The following HGSNAT variants were observed in gnomAD, a reference collection of about 807,000 sequenced individuals.
The protein encoded by HGSNAT is transmembrane protein 76.
A neutral mutation model predicts 85.2 loss-of-function variants in HGSNAT; 59 were observed. The observed-to-expected ratio is 0.69, with a 90% CI of 0.56 to 0.86. The LOEUF (loss-of-function observed/expected upper bound fraction) is 0.86. Among genes scored for constraint, HGSNAT ranks in the 40% least tolerant of loss-of-function variants. HGSNAT has a pLI of 0.00. For missense variants in HGSNAT, 756 were observed against 777.1 expected (o/e 0.97, Z 0.32); for synonymous variants, 321 against 304.5 (o/e 1.05, Z -0.56).
chr8:43,178,226 T>C lies in HGSNAT; in HGVS notation c.1004T>C (p.Leu335Pro). Reference sequence around the variant, plus strand: ...ATCATTGTGAATCCCAATTATTGCCTTGGTCCATGTAAGTACTTTTTCCCT... The same window carrying C: ...ATCATTGTGAATCCCAATTATTGCCCTGGTCCATGTAAGTACTTTTTCCCT... ...GIIIVNPNYC[L>P]GPLSWDKVRI... Residue 335 changes from leucine to proline, a missense_variant, in exon 10 of 18, where the codon CTT becomes CCT. Physicochemically the swap from Leu to Pro is moderately conservative, Grantham distance 98 (BLOSUM62 -3). Coordinates refer to ENST00000379644, the MANE Select transcript of HGSNAT (RefSeq NM_152419.3). 6.5e-7 allele frequency: 1 copy of C among 1,540,018 alleles called. No individual in the cohort carries two copies. Among genetic ancestry groups the C allele is most frequent in the Non-Finnish European group, 8.7e-7 (1 of 1,147,216 alleles).
chr8:43,144,503 C>T (rs548087785), intron 1 of HGSNAT, among the ~76,000 whole-genome samples: 12 of 152,134 alleles, frequency 7.9e-5, no homozygotes, highest in African/African-American at 2.7e-4. Flanking sequence ...TCATGAGGCA[C>T]ATACTCTTAT....
chr8:43,169,104 A>T (rs1024182962), intron 5 of HGSNAT, 69 bp from the exon 6 acceptor site: 4 of 806,920 alleles, frequency 5.0e-6, no homozygotes, highest in Non-Finnish European at 5.7e-6. Flanking sequence ...TTATTTCCAT[A>T]TAATATCCAA....
rs1013159296 is a variant in HGSNAT, at chr8:43,191,474, G to A, written c.1129G>A (p.Glu377Lys). 6.2e-7 allele frequency: 1 copy of A among 1,613,044 alleles called. No individual in the cohort carries two copies. The highest frequency in any genetic ancestry group is 1.3e-5 in the African/African-American group (1 of 74,916). ...GTTTTATTTTTCTGCCCCCACTCAG[G>A]AGAGGAGCTGCCTTTCTCTTCGAGA... ...AKPVPEHCAS[E>K]RSCLSLRDIT... is the part of the protein sequence containing the mutation. The change falls in exon 12 of 18, where the codon GAG becomes AAG. Residue 377 changes from glutamate to lysine, a missense_variant and splice_region_variant. Transcript: ENST00000379644.
At chr8:43,186,109 T>C (rs1253480149) in intron 11 of HGSNAT, among the ~76,000 whole-genome samples, 1 of 152,176 alleles carries the variant, frequency 6.6e-6, no homozygotes, top group Non-Finnish European at 1.5e-5. Context: ...CTTTTTTTGT[T>C]GTGTCTCTGC....
chr8:43,189,665 T>G (rs1804458182), intron 11 of HGSNAT, among the ~76,000 whole-genome samples: 1 of 152,220 alleles, frequency 6.6e-6, no homozygotes, highest in Admixed American at 6.5e-5. Flanking sequence ...CAGTTGGAAA[T>G]GCAGAAATCA....
Position 43,202,074 on chromosome 8 carries a change from TGG to T in HGSNAT, c.*2507_*2508del, listed in dbSNP as rs1243800616. 1 of 152,890 alleles carries T rather than the reference TGG, an allele frequency of 6.5e-6. No homozygotes were observed. The highest frequency in any genetic ancestry group is 2.4e-5 in the African/African-American group (1 of 41,432). The allele number at this position is 152,890 out of a possible 1,614,324, so 9.5% of individuals were successfully genotyped here. ...TCTCAAACTGTGGGTTACATCAACT[TGG>T]GTGTCTTGAGCTGTAAGGAAGGAAC... is the stretch of plus-strand genomic sequence containing the variant. On this transcript the variant is annotated 3_prime_UTR_variant, in exon 18 of 18. Transcript: ENST00000379644.
At chr8:43,182,714 G>A (rs1804173327) in intron 11 of HGSNAT, among the ~76,000 whole-genome samples, 1 of 152,028 alleles carries the variant, frequency 6.6e-6, no homozygotes, top group Non-Finnish European at 1.5e-5. Context: ...ACAAATTGCT[G>A]GGATTACAGG....
At chr8:43,197,197 A>G (rs1804753610) in intron 15 of HGSNAT, 172 bp downstream of exon 15, 1 of 608,490 alleles carries the variant, frequency 1.6e-6, no homozygotes, top group Non-Finnish European at 2.9e-6. Context: ...AAATGCACAG[A>G]TTTATTTTCT....
At chr8:43,196,550 C>A in intron 14 of HGSNAT, 1 of 1,279,028 alleles carries the variant, frequency 7.8e-7, no homozygotes, top group Non-Finnish European at 1.0e-6. Flanking sequence ...GGTGCCCCTT[C>A]TCCTCCTTTC....
intron 4 of HGSNAT, among the ~76,000 whole-genome samples, chr8:43,161,072 A>C (rs1177455853): frequency 6.6e-6 from 1 of 152,174 alleles, no homozygotes; most frequent in Non-Finnish European, 1.5e-5. Flanking sequence ...CACATCCTGA[A>C]GTATGTAGGG....
chr8:43,145,389 T>G (rs1302533706), intron 1 of HGSNAT, among the ~76,000 whole-genome samples: 2 of 152,108 alleles, frequency 1.3e-5, no homozygotes, highest in African/African-American at 4.8e-5. Context: ...TCTAGTGGAT[T>G]AAGAGTTTTA....
chr8:43,144,101 C>G (rs1802639184), intron 1 of HGSNAT, among the ~76,000 whole-genome samples: 1 of 152,050 alleles, frequency 6.6e-6, no homozygotes, highest in Non-Finnish European at 1.5e-5. Flanking sequence ...GGGCAGATCA[C>G]TTGACCCCAG....
chr8:43,187,972 C>T (rs1413168395), intron 11 of HGSNAT, among the ~76,000 whole-genome samples: 3 of 152,188 alleles, frequency 2.0e-5, no homozygotes, highest in Non-Finnish European at 2.9e-5. Flanking sequence ...ATATTGGCCC[C>T]CACTGTCTTG....
At chr8:43,183,497 G>C (rs1804204973) in intron 11 of HGSNAT, among the ~76,000 whole-genome samples, 1 of 150,588 alleles carries the variant, frequency 6.6e-6, no homozygotes, top group African/African-American at 2.4e-5. Flanking sequence ...TTGAGAGGGA[G>C]TCTTGCTCTG....
At chr8:43,145,582 C>G (rs1422969986) in intron 1 of HGSNAT, among the ~76,000 whole-genome samples, 1 of 152,040 alleles carries the variant, frequency 6.6e-6, no homozygotes, top group African/African-American at 2.4e-5. Flanking sequence ...GAAACCCCGT[C>G]ACTACTAAAA....
Position 43,199,466 on chromosome 8 carries a change from A to G in HGSNAT, c.1805A>G (p.Asn602Ser), listed in dbSNP as rs754415813. 12 of 1,612,450 alleles carry G rather than the reference A, an allele frequency of 7.4e-6. No individual in the cohort carries two copies. In the African/African-American group the frequency reaches 1.1e-4, roughly 14 times the overall value. The change falls in exon 18 of 18, where the codon AAC becomes AGC. Residue 602 changes from asparagine to serine, a missense_variant. Transcript: ENST00000379644. ...CCCTTTCAGTGGAAGCTGAAGGACA[A>G]CCAGTCCCACAAGGAGCACCTGACT... Reference protein sequence around the residue: ...YFPFQWKLKDNQSHKEHLTQN... With the variant: ...YFPFQWKLKDSQSHKEHLTQN...
intron 11 of HGSNAT, among the ~76,000 whole-genome samples, chr8:43,189,995 A>G (rs986002494): frequency 6.6e-6 from 1 of 152,236 alleles, no homozygotes; most frequent in African/African-American, 2.4e-5. Flanking sequence ...TCCTTGTAGC[A>G]TAACATATAT....
At chr8:43,141,311 C>T (rs553312756) in intron 1 of HGSNAT, among the ~76,000 whole-genome samples, 283 of 152,202 alleles carry the variant, frequency 1.9e-3, no homozygotes, top group African/African-American at 6.6e-3. Context: ...GCCGCCGCCG[C>T]CTGGGAGGGG....
Position 43,194,456 on chromosome 8 carries a change from T to C in HGSNAT, c.1464+613T>C, listed in dbSNP as rs143137876. 288 of 985,362 alleles carry C rather than the reference T, an allele frequency of 2.9e-4. No individual in the cohort carries two copies. The African/African-American group carries it at 4.8e-3, about 16-fold the overall frequency. 61.0% of individuals were successfully genotyped at this position (985,362 alleles called of 1,614,324 possible). On this transcript the variant is annotated intron_variant, in intron 14 of 17. Coordinates refer to ENST00000379644, the MANE Select transcript of HGSNAT (RefSeq NM_152419.3). ...GCAGAGTGTGTGGGTATTGGTAACATTGGGAAGTCACTGTGTCATTTGTCA... is the reference window on the plus strand; with the variant it reads ...GCAGAGTGTGTGGGTATTGGTAACACTGGGAAGTCACTGTGTCATTTGTCA...
Sources: gnomAD v4.1 joint callset for allele counts (sites outside exome capture counted in the v4.1 genomes callset) on GRCh38, gnomAD v4.1.1 for gene constraint, MANE v1.5 for transcripts, NCBI Gene and HGNC (gene_info 2026-07-23, HGNC 2026-07-21) for gene names.